The following CMIP variants were observed in gnomAD, a reference collection of about 807,000 sequenced individuals.
CMIP encodes the protein C-Maf-inducing protein.
In CMIP, 13 loss-of-function variants were observed where a neutral mutation model predicts 97.3. The observed-to-expected ratio is 0.13, with a 90% CI of 0.09 to 0.21. The LOEUF (loss-of-function observed/expected upper bound fraction) is 0.21, where lower values mean the gene tolerates loss of function less well. CMIP is among the 10% of genes least tolerant of loss of function. The probability of loss-of-function intolerance (pLI) is 1.00; values close to 1 mark genes in which losing one functional copy is unlikely to be tolerated. For missense variants in CMIP, 847 were observed against 1,024.9 expected (o/e 0.83, Z 2.37); for synonymous variants, 538 against 436.3 (o/e 1.23, Z -2.91).
At chr16:81,675,370 A>ATTTTTT (rs35314200) in intron 9 of CMIP, among the ~76,000 whole-genome samples, 3 of 123,378 alleles carry the variant, frequency 2.4e-5, no homozygotes, top group African/African-American at 3.0e-5. Context: ...CACCTGGCTA[A>ATTTTTT]TTTTTTTTTT....
chr16:81,613,723 G>T (rs984441675), intron 2 of CMIP, among the ~76,000 whole-genome samples: 1 of 152,166 alleles, frequency 6.6e-6, no homozygotes, highest in African/African-American at 2.4e-5. Flanking sequence ...TCTTTTGAAG[G>T]TCTGTTGTGT....
chr16:81,516,953 G>T (rs1246975584), intron 1 of CMIP, among the ~76,000 whole-genome samples: 1 of 151,808 alleles, frequency 6.6e-6, no homozygotes, highest in African/African-American at 2.4e-5. Flanking sequence ...AAACCAGATG[G>T]CCTCCAAGGT....
chr16:81,644,546 G>T (rs2092342075), intron 3 of CMIP, among the ~76,000 whole-genome samples: 1 of 152,210 alleles, frequency 6.6e-6, no homozygotes, highest in Non-Finnish European at 1.5e-5. Flanking sequence ...TAATGTGACA[G>T]TCTCTGATGC....
chr16:81,475,254 C>T (rs1047542464), intron 1 of CMIP, among the ~76,000 whole-genome samples: 2 of 152,186 alleles, frequency 1.3e-5, no homozygotes, highest in African/African-American at 4.8e-5. Context: ...TGCATATTCT[C>T]CCTTTGCTTT....
chr16:81,570,430 C>G (rs2091066618), intron 1 of CMIP, among the ~76,000 whole-genome samples: 1 of 152,182 alleles, frequency 6.6e-6, no homozygotes. Context: ...CTGCCTTGGG[C>G]AAACCACTGC....
chr16:81,548,701 C>T (rs184692964), intron 1 of CMIP, among the ~76,000 whole-genome samples: 2 of 151,450 alleles, frequency 1.3e-5, no homozygotes, highest in Non-Finnish European at 2.9e-5. Flanking sequence ...AAAAAAAAAG[C>T]CAGGCATGGT....
At chr16:81,534,717 G>T (rs2090308389) in intron 1 of CMIP, among the ~76,000 whole-genome samples, 1 of 151,978 alleles carries the variant, frequency 6.6e-6, no homozygotes, top group African/African-American at 2.4e-5. Flanking sequence ...TAAATTTTTG[G>T]TATAAGGTGT....
chr16:81,709,759 A>G lies in CMIP; in HGVS notation c.2282A>G (p.Asn761Ser). ...TYEDLKAKLP[N>S]LKEVDVRYTE... Reference sequence around the variant, plus strand: ...TGCCACCCCCAGGCCAAGCTTCCCAATTTGAAGGAAGTGGACGTCCGCTAC... The same window carrying G: ...TGCCACCCCCAGGCCAAGCTTCCCAGTTTGAAGGAAGTGGACGTCCGCTAC... The change falls in exon 21 of 21, where the codon AAT becomes AGT. Residue 761 changes from asparagine to serine, a missense_variant. By Grantham distance (46) the Asn-to-Ser change is conservative. This residue lies in a region of CMIP where 266 missense variants were observed against 384.2 expected (regional missense o/e 0.69). Coordinates refer to ENST00000537098, the MANE Select transcript of CMIP (RefSeq NM_198390.3). 1 of 1,613,954 alleles carries G rather than the reference A, an allele frequency of 6.2e-7. No homozygotes were observed. Among genetic ancestry groups the G allele is most frequent in the Non-Finnish European group, 8.5e-7 (1 of 1,179,866 alleles).
At chr16:81,508,136 A>G (rs2089744672) in intron 1 of CMIP, among the ~76,000 whole-genome samples, 1 of 152,168 alleles carries the variant, frequency 6.6e-6, no homozygotes, top group South Asian at 2.1e-4. Flanking sequence ...ACTTTATATT[A>G]TTTTGAAATA....
rs1297107606 is a variant in CMIP at position 81,621,188 on chromosome 16, G to A, written c.477+262G>A. 2 of 390,164 alleles carry A rather than the reference G, an allele frequency of 5.1e-6. No individual in the cohort carries two copies. The highest frequency in any genetic ancestry group is 4.8e-5 in the East Asian group (1 of 20,752). 24.2% of individuals were successfully genotyped at this position (390,164 alleles called of 1,614,324 possible). ...GTTTTCCTGCTTCAAAAGGATCATA[G>A]AACTGCTTGCTCTCAGAGTGAGGGC... On this transcript the variant is annotated intron_variant, in intron 3 of 20. Transcript: ENST00000537098. This position sits in a 1 kb window ranked among gnomAD's most constrained non-coding sequence, Gnocchi z 4.1.
At chr16:81,703,814 T>G in intron 17 of CMIP, 125 bp from the exon 18 acceptor site, 9 of 1,310,284 alleles carry the variant, frequency 6.9e-6, no homozygotes, top group Middle Eastern at 2.8e-4. Flanking sequence ...GCTCCTGGGA[T>G]TTACCGCCCC....
chr16:81,678,062 G>C (rs780389328), intron 9 of CMIP, among the ~76,000 whole-genome samples: 1 of 152,240 alleles, frequency 6.6e-6, no homozygotes, highest in South Asian at 2.1e-4. Flanking sequence ...AGGCAACCTG[G>C]GTTGGGCTGC....
chr16:81,514,603 C>T (rs1054344795), intron 1 of CMIP, among the ~76,000 whole-genome samples: 1 of 152,134 alleles, frequency 6.6e-6, no homozygotes, highest in Non-Finnish European at 1.5e-5. Context: ...GCATGGGCAC[C>T]CCTGGTAGAT....
At chr16:81,478,151 A>G (rs1908042846) in intron 1 of CMIP, among the ~76,000 whole-genome samples, 1 of 151,060 alleles carries the variant, frequency 6.6e-6, no homozygotes, top group Non-Finnish European at 1.5e-5. Context: ...GCCAGTCTCC[A>G]CTTCACTCTT....
chr16:81,606,321 A>G (rs1010390287), intron 1 of CMIP, among the ~76,000 whole-genome samples: 15 of 152,196 alleles, frequency 9.9e-5, no homozygotes, highest in African/African-American at 3.4e-4. Context: ...TGAGGATTAA[A>G]TGATTGCCAT....
chr16:81,452,813 G>C (rs1906303374), intron 1 of CMIP, among the ~76,000 whole-genome samples: 1 of 151,750 alleles, frequency 6.6e-6, no homozygotes, highest in Non-Finnish European at 1.5e-5. Context: ...CACACAGGCA[G>C]CTCCTTGCCC....
At chr16:81,581,554 A>G (rs1021054150) in intron 1 of CMIP, among the ~76,000 whole-genome samples, 1 of 152,220 alleles carries the variant, frequency 6.6e-6, no homozygotes, top group African/African-American at 2.4e-5. Context: ...GCAGTCATAA[A>G]TGTGGTCCAT....
chr16:81,496,979 G>A (rs1298370258), intron 1 of CMIP, among the ~76,000 whole-genome samples: 1 of 152,268 alleles, frequency 6.6e-6, no homozygotes, highest in African/African-American at 2.4e-5. Context: ...AGTTGGAAGA[G>A]GCCATAAAAG....
At chr16:81,700,894 G>A (rs1173808490) in intron 15 of CMIP, among the ~76,000 whole-genome samples, 1 of 152,182 alleles carries the variant, frequency 6.6e-6, no homozygotes, top group Non-Finnish European at 1.5e-5. Flanking sequence ...CTGTGACAGG[G>A]ATTCGGAGGC....
Sources: allele counts gnomAD v4.1 joint callset (sites outside exome capture counted in the v4.1 genomes callset), GRCh38; gene constraint gnomAD v4.1.1; regional missense constraint gnomAD v4.1.1; non-coding constraint Gnocchi (gnomAD v3.1); transcripts MANE v1.5; gene names NCBI Gene and HGNC (gene_info 2026-07-23, HGNC 2026-07-21).